The following ZCWPW2 variants were observed in gnomAD, a reference collection of about 807,000 sequenced individuals.
ZCWPW2 encodes the protein zinc finger CW-type PWWP domain protein 2.
In ZCWPW2, 45 loss-of-function variants were observed where a neutral mutation model predicts 46.6. The ratio of observed to expected loss-of-function variants is 0.96; its 90% CI spans 0.76 to 1.24. ZCWPW2 has a LOEUF of 1.24. Among genes scored for constraint, ZCWPW2 ranks in the 50% most tolerant of loss-of-function variants. The probability of loss-of-function intolerance (pLI) is 0.00; values close to 1 mark genes in which losing one functional copy is unlikely to be tolerated. For synonymous variants in ZCWPW2, 152 were observed against 137.1 expected (o/e 1.11, Z -0.76); for missense variants, 429 against 403.9 (o/e 1.06, Z -0.53).
At chr3:28,422,901 T>C (rs1359106628) in intron 3 of ZCWPW2, among the ~76,000 whole-genome samples, 1 of 152,218 alleles carries the variant, frequency 6.6e-6, no homozygotes, top group Non-Finnish European at 1.5e-5. Context: ...TGAATTCTAA[T>C]AGGTGTGTAG....
At chr3:28,455,072 A>C (rs1285837682) in intron 4 of ZCWPW2, among the ~76,000 whole-genome samples, 2 of 152,178 alleles carry the variant, frequency 1.3e-5, no homozygotes, top group African/African-American at 4.8e-5. Flanking sequence ...TGTCTTCCAC[A>C]ATGGTTGAAC....
intron 5 of ZCWPW2, among the ~76,000 whole-genome samples, chr3:28,487,910 C>G (rs963193671): frequency 6.6e-6 from 1 of 152,028 alleles, no homozygotes; most frequent in African/African-American, 2.4e-5. Context: ...TCCCCCAGGT[C>G]AGGCTGGGGT....
intron 6 of ZCWPW2, among the ~76,000 whole-genome samples, chr3:28,511,641 A>G (rs1700428101): frequency 6.6e-6 from 1 of 152,140 alleles, no homozygotes; most frequent in African/African-American, 2.4e-5. Context: ...TGAATAATTC[A>G]AGGTTCTTAA....
At chr3:28,445,294 A>G (rs1015911435) in intron 4 of ZCWPW2, among the ~76,000 whole-genome samples, 1 of 152,004 alleles carries the variant, frequency 6.6e-6, no homozygotes, top group South Asian at 2.1e-4. Flanking sequence ...ACTTTGGTTT[A>G]TAGCTCCACA....
chr3:28,428,258 G>C (rs1416596206), intron 3 of ZCWPW2: 1 of 152,272 alleles, frequency 6.6e-6, no homozygotes. Context: ...ATCACTTAGA[G>C]TTCTTTTAAC....
At chr3:28,448,804 A>T (rs1229627294) in intron 4 of ZCWPW2, among the ~76,000 whole-genome samples, 3 of 57,994 alleles carry the variant, frequency 5.2e-5, no homozygotes, top group Non-Finnish European at 1.0e-4. Context: ...AAAAAAAAAA[A>T]AAAAAAAAAA....
intron 1 of ZCWPW2, among the ~76,000 whole-genome samples, chr3:28,369,450 A>C (rs888781630): frequency 2.6e-5 from 4 of 152,190 alleles, no homozygotes; most frequent in Non-Finnish European, 1.5e-5. Context: ...GGGTATCAGC[A>C]GCGGAGGCTG....
intron 6 of ZCWPW2, among the ~76,000 whole-genome samples, chr3:28,502,958 TA>T (rs1167032245): frequency 6.6e-6 from 1 of 152,166 alleles, no homozygotes; most frequent in Non-Finnish European, 1.5e-5. Flanking sequence ...TCCTTATTAC[TA>T]AAAAGCAAAC....
At chr3:28,501,359 G>A (rs1470382385) in intron 6 of ZCWPW2, among the ~76,000 whole-genome samples, 1 of 152,116 alleles carries the variant, frequency 6.6e-6, no homozygotes, top group Non-Finnish European at 1.5e-5. Context: ...TGGTTGCTGT[G>A]AAATCTCCTG....
In ZCWPW2 at chr3:28,525,808, TAA is replaced by T. The variant is rs1174793856; in HGVS notation, c.*1122_*1123del. 6.6e-6 allele frequency among the ~76,000 whole-genome samples: 1 copy of T among 152,186 alleles called. No homozygotes were observed. Among genetic ancestry groups the T allele is most frequent in the Non-Finnish European group, 1.5e-5 (1 of 68,028 alleles). The stretch of plus-strand genomic sequence containing the variant: ...CGGTGAAATATCTTATTTGTCAAAG[TAA>T]AGTATGTATGTATTTCTGTCTTCCT... On this transcript the variant is annotated 3_prime_UTR_variant, in exon 10 of 10. Coordinates refer to ENST00000383768, the MANE Select transcript of ZCWPW2 (RefSeq NM_001040432.4).
At chr3:28,445,405 A>G (rs532821934) in intron 4 of ZCWPW2, among the ~76,000 whole-genome samples, 2 of 152,188 alleles carry the variant, frequency 1.3e-5, no homozygotes, top group African/African-American at 2.4e-5. Context: ...CGTGACAACA[A>G]CTGAAAGGGG....
intron 2 of ZCWPW2, among the ~76,000 whole-genome samples, chr3:28,409,409 C>G (rs1387794162): frequency 6.6e-6 from 1 of 151,512 alleles, no homozygotes; most frequent in African/African-American, 2.4e-5. Context: ...CATGAGGAAC[C>G]ATGCCCGGCC....
chr3:28,398,626 G>C (rs528872767), intron 2 of ZCWPW2, among the ~76,000 whole-genome samples: 1 of 152,236 alleles, frequency 6.6e-6, no homozygotes, highest in South Asian at 2.1e-4. Flanking sequence ...TCCAAACTGT[G>C]GAAGTGGGAA....
At chr3:28,491,387 A>C in intron 5 of ZCWPW2, among the ~76,000 whole-genome samples, 1 of 152,156 alleles carries the variant, frequency 6.6e-6, no homozygotes. Flanking sequence ...ACATCTCAAA[A>C]TAATATCCTG....
At chr3:28,443,991 T>C (rs939997923) in intron 4 of ZCWPW2, among the ~76,000 whole-genome samples, 6 of 152,172 alleles carry the variant, frequency 3.9e-5, no homozygotes, top group Non-Finnish European at 8.8e-5. Flanking sequence ...ATGAACCATC[T>C]TTTAATCCAT....
intron 6 of ZCWPW2, 48 bp from the exon 7 acceptor site, chr3:28,514,016 G>A: frequency 7.0e-7 from 1 of 1,420,592 alleles, no homozygotes; most frequent in Non-Finnish European, 9.5e-7. Context: ...TTACTGAGCT[G>A]ATTTAGTCCT....
chr3:28,479,005 C>A (rs923002122), intron 5 of ZCWPW2, 74 bp downstream of exon 5: 21 of 976,298 alleles, frequency 2.2e-5, no homozygotes, highest in Admixed American at 5.6e-5. Context: ...AATATGTTTG[C>A]TCATTCAAAA....
At chr3:28,385,699 G>C (rs1403560172) in intron 1 of ZCWPW2, among the ~76,000 whole-genome samples, 16 of 152,184 alleles carry the variant, frequency 1.1e-4, no homozygotes, top group Admixed American at 1.0e-3. Context: ...TAGTTTCTAT[G>C]GAGCTTTGTA....
Position 28,524,513 on chromosome 3 carries a change from T to C in ZCWPW2, c.910-14T>C, listed in dbSNP as rs775076235. The C allele has an allele frequency of 3.1e-6, 5 of 1,600,368 alleles. No homozygotes were observed. The highest frequency in any genetic ancestry group is 4.3e-6 in the Non-Finnish European group (5 of 1,175,700). ...TTTGACATAGTTCCGATTAATTATA[T>C]GGTTGTTTTGCAGTTATCTAAATGC... is the stretch of plus-strand genomic sequence containing the variant. On this transcript the variant is annotated splice_polypyrimidine_tract_variant and intron_variant, in intron 9 of 9. Coordinates refer to ENST00000383768, the MANE Select transcript of ZCWPW2 (RefSeq NM_001040432.4).
Sources: allele counts gnomAD v4.1 joint callset (sites outside exome capture counted in the v4.1 genomes callset), GRCh38; gene constraint gnomAD v4.1.1; transcripts MANE v1.5; gene names NCBI Gene and HGNC (gene_info 2026-07-23, HGNC 2026-07-21).